The following PRLR variants were observed in gnomAD, a reference collection of about 807,000 sequenced individuals.
PRLR encodes the protein prolactin receptor, also known as hPRL receptor.
A neutral mutation model predicts 40.2 loss-of-function variants in PRLR; 13 were observed. The ratio of observed to expected loss-of-function variants is 0.32; its 90% CI spans 0.21 to 0.51. The LOEUF is 0.51. PRLR is among the 20% of genes least tolerant of loss of function. The pLI, the probability that PRLR is intolerant of heterozygous loss-of-function variation, is 0.97. For missense variants in PRLR, 656 were observed against 747.3 expected (o/e 0.88, Z 1.42); for synonymous variants, 269 against 278.7 (o/e 0.97, Z 0.35).
At chr5:35,165,210 T>G (rs1774788857) in intron 1 of PRLR, among the ~76,000 whole-genome samples, 1 of 152,182 alleles carries the variant, frequency 6.6e-6, no homozygotes, top group South Asian at 2.1e-4. Context: ...AACCACCACT[T>G]TGCCCTGCCC....
At chr5:35,072,818 G>T (rs1769837361) in intron 5 of PRLR, 74 bp from the exon 6 acceptor site, 46 of 1,531,180 alleles carry the variant, frequency 3.0e-5, no homozygotes, top group Non-Finnish European at 3.7e-5. Flanking sequence ...TTTCTATTAG[G>T]AATTCCTTTT....
intron 2 of PRLR, among the ~76,000 whole-genome samples, chr5:35,103,966 T>C (rs1195690162): frequency 2.0e-5 from 3 of 152,148 alleles, no homozygotes; most frequent in Non-Finnish European, 4.4e-5. Flanking sequence ...TTTTTAAAGC[T>C]GTGTAAGTGC....
chr5:35,111,986 T>C (rs900300086), intron 2 of PRLR, among the ~76,000 whole-genome samples: 2 of 152,202 alleles, frequency 1.3e-5, no homozygotes, highest in South Asian at 2.1e-4. Context: ...AATGAAAACC[T>C]GGCATTCAGT....
chr5:35,049,178 G>A (rs1178490290), exon 9 of PRLR: 3 of 700,148 alleles, frequency 4.3e-6, no homozygotes, highest in Non-Finnish European at 7.8e-6. Flanking sequence ...ATCCAAGTCA[G>A]TGAGGCCAGT....
intron 1 of PRLR, among the ~76,000 whole-genome samples, chr5:35,200,536 A>G (rs915106222): frequency 2.0e-5 from 3 of 152,212 alleles, no homozygotes; most frequent in African/African-American, 7.2e-5. Context: ...AACGAAATAG[A>G]GATACTTTCA....
At chr5:35,182,570 C>G (rs1013223949) in intron 1 of PRLR, among the ~76,000 whole-genome samples, 5 of 152,314 alleles carry the variant, frequency 3.3e-5, no homozygotes, top group African/African-American at 1.2e-4. Flanking sequence ...TGGGATGGAG[C>G]TGCTTTATTT....
chr5:35,157,165 T>C lies in PRLR; in HGVS notation c.-105-39043A>G, dbSNP rs781463468. On this transcript the variant is annotated intron_variant, in intron 1 of 9. Transcript: ENST00000618457. ...GTCCCTAGATACATCAACACGAGGC[T>C]ATTCTTTTCCTGCAGGCAGTCCTTC... is the stretch of plus-strand genomic sequence containing the variant. 3.3e-5 allele frequency among the ~76,000 whole-genome samples: 5 copies of C among 152,220 alleles called. 1 individual carries two copies. In the South Asian group the frequency reaches 1.0e-3, roughly 32 times the overall value.
At chr5:35,157,903 G>A (rs78043429) in intron 1 of PRLR, among the ~76,000 whole-genome samples, 1 of 152,024 alleles carries the variant, frequency 6.6e-6, no homozygotes, top group Non-Finnish European at 1.5e-5. Flanking sequence ...TGAGAAATCT[G>A]ATTTTCAATT....
intron 1 of PRLR, among the ~76,000 whole-genome samples, chr5:35,216,132 G>A (rs190316863): frequency 1.3e-5 from 2 of 152,194 alleles, no homozygotes; most frequent in African/African-American, 4.8e-5. Flanking sequence ...TATCAACAAG[G>A]CTTCTGGAAA....
Position 35,151,980 on chromosome 5 carries a change from T to C in PRLR, c.-105-33858A>G, listed in dbSNP as rs75867489. Among the ~76,000 whole-genome samples the C allele has an allele frequency of 3.7e-3, 571 of 152,338 alleles. 7 individuals are homozygous for C. Among genetic ancestry groups the C allele is most frequent in the African/African-American group, 0.013 (553 of 41,592 alleles). ...GGAACAAACAGGTTGGGCTTGTTTG[T>C]TACCACACCGTAATTTATCCCATCA... On this transcript the variant is annotated intron_variant, in intron 1 of 9. Transcript: ENST00000618457.
At chr5:35,218,225 T>C (rs944850046) in intron 1 of PRLR, among the ~76,000 whole-genome samples, 4 of 152,138 alleles carry the variant, frequency 2.6e-5, no homozygotes, top group Non-Finnish European at 5.9e-5. Context: ...CCGTAAGAAA[T>C]ACCTGACACA....
Position 35,133,401 on chromosome 5 carries a change from G to C in PRLR, c.-105-15279C>G, listed in dbSNP as rs116748233. Among the ~76,000 whole-genome samples, 343 of 152,150 alleles carry C rather than the reference G, an allele frequency of 2.3e-3. 3 individuals are homozygous for C. The highest frequency in any genetic ancestry group is 6.8e-3 in the Middle Eastern group (2 of 294). ...GGCCCTGAAAAGCCATGTAACACCT[G>C]GTGAGTCAGAGACCAAAGCAGAATT... On this transcript the variant is annotated intron_variant, in intron 1 of 9. Coordinates refer to ENST00000618457, the MANE Select transcript of PRLR (RefSeq NM_000949.7).
chr5:35,087,564 G>A (rs562184572), intron 3 of PRLR, among the ~76,000 whole-genome samples: 15 of 151,816 alleles, frequency 9.9e-5, no homozygotes, highest in African/African-American at 3.6e-4. Context: ...GATCTTTTTG[G>A]GGTAGGAGGT....
chr5:35,078,556 T>C (rs926792361), intron 5 of PRLR, among the ~76,000 whole-genome samples: 5 of 151,674 alleles, frequency 3.3e-5, no homozygotes, highest in Non-Finnish European at 1.5e-5. Flanking sequence ...ATTGAGGCAA[T>C]AATTAATAGC....
chr5:35,201,198 T>C (rs1775875788), intron 1 of PRLR, among the ~76,000 whole-genome samples: 1 of 152,196 alleles, frequency 6.6e-6, no homozygotes, highest in Non-Finnish European at 1.5e-5. Flanking sequence ...TATGCACTGG[T>C]TCTAGCCTTT....
chr5:35,105,655 G>C (rs1241932382), intron 2 of PRLR, among the ~76,000 whole-genome samples: 2 of 152,142 alleles, frequency 1.3e-5, no homozygotes, highest in Non-Finnish European at 2.9e-5. Flanking sequence ...TGAATGAAAT[G>C]AAGTGAGAAG....
intron 1 of PRLR, among the ~76,000 whole-genome samples, chr5:35,143,921 C>T (rs555605770): frequency 0.01 from 279 of 26,818 alleles, 1 homozygote; most frequent in African/African-American, 0.021. Flanking sequence ...TTTTAAAAAA[C>T]GACAAAAAAA....
downstream of PRLR, among the ~76,000 whole-genome samples, chr5:35,051,127 C>T (rs16871039): frequency 0.11 from 17,428 of 152,100 alleles, 1,607 homozygotes; most frequent in African/African-American, 0.26. Flanking sequence ...TTGGACTTAC[C>T]GTGTTTTAGG....
intron 1 of PRLR, among the ~76,000 whole-genome samples, chr5:35,170,387 T>C (rs1161428335): frequency 6.6e-6 from 1 of 152,194 alleles, no homozygotes; most frequent in Non-Finnish European, 1.5e-5. Context: ...TCTTTATTCA[T>C]TTGCATCATT....
Sources: allele counts gnomAD v4.1 joint callset (sites outside exome capture counted in the v4.1 genomes callset), GRCh38; gene constraint gnomAD v4.1.1; transcripts MANE v1.5; gene names NCBI Gene and HGNC (gene_info 2026-07-23, HGNC 2026-07-21).